STXBP5L: variants seen among roughly 807,000 people sequenced by gnomAD.
STXBP5L encodes syntaxin binding protein 5L.
STXBP5L carries 65 observed loss-of-function variants against 144.5 expected under a neutral mutation model. The observed-to-expected ratio is 0.45, with a 90% CI of 0.37 to 0.55. The LOEUF (loss-of-function observed/expected upper bound fraction) is 0.55. STXBP5L is among the 20% of genes least tolerant of loss of function. The pLI is 0.00. For missense variants in STXBP5L, 1,298 were observed against 1,405.5 expected (o/e 0.92, Z 1.22); for synonymous variants, 505 against 469.6 (o/e 1.08, Z -0.97).
chr3:121,145,859 T>C (rs1163169310), intron 7 of STXBP5L, among the ~76,000 whole-genome samples: 2 of 152,022 alleles, frequency 1.3e-5, no homozygotes, highest in Non-Finnish European at 2.9e-5. Flanking sequence ...TAAATGACCA[T>C]TTGAATTAGT....
chr3:121,028,101 T>C (rs1304955312), intron 3 of STXBP5L, among the ~76,000 whole-genome samples: 2 of 152,094 alleles, frequency 1.3e-5, no homozygotes, highest in Non-Finnish European at 1.5e-5. Context: ...AATAAATTAA[T>C]TAATACAAGT....
intron 3 of STXBP5L, among the ~76,000 whole-genome samples, chr3:121,018,715 T>G (rs966704302): frequency 3.3e-5 from 5 of 152,178 alleles, no homozygotes; most frequent in Non-Finnish European, 7.3e-5. Flanking sequence ...ATCGGTAACT[T>G]GGATTTTATT....
chr3:121,243,461 G>A (rs182295690), intron 14 of STXBP5L, among the ~76,000 whole-genome samples: 4 of 151,668 alleles, frequency 2.6e-5, no homozygotes, highest in African/African-American at 9.7e-5. Flanking sequence ...CAGTCCATAA[G>A]GATATGACTA....
chr3:121,046,080 T>C lies in STXBP5L; in HGVS notation c.470+545T>C, dbSNP rs542205686. On this transcript the variant is annotated intron_variant, in intron 5 of 26. Coordinates refer to ENST00000471454, the MANE Select transcript of STXBP5L (RefSeq NM_001308330.2). ...TTGAGGGGTTTTAACATGAAGGACA[T>C]CGAATTGTACCAGAAGACTTTTCTG... is the stretch of plus-strand genomic sequence containing the variant. Among the ~76,000 whole-genome samples the C allele has an allele frequency of 1.1e-3, 160 of 152,182 alleles. 1 individual carries two copies. Among genetic ancestry groups the C allele is most frequent in the Non-Finnish European group, 1.9e-3 (127 of 67,972 alleles).
intron 2 of STXBP5L, among the ~76,000 whole-genome samples, chr3:120,946,994 TTC>T (rs1355480917): frequency 6.6e-6 from 1 of 151,766 alleles, no homozygotes; most frequent in Non-Finnish European, 1.5e-5. Context: ...TTGTAACTAA[TTC>T]TTTCTATTAC....
At chr3:121,397,242 C>A (rs1034602684) in intron 22 of STXBP5L, among the ~76,000 whole-genome samples, 1 of 152,200 alleles carries the variant, frequency 6.6e-6, no homozygotes, top group Non-Finnish European at 1.5e-5. Flanking sequence ...CTATTAAAGG[C>A]CAATTTTTAG....
At chr3:120,975,544 C>G (rs1940878020) in intron 3 of STXBP5L, among the ~76,000 whole-genome samples, 1 of 152,100 alleles carries the variant, frequency 6.6e-6, no homozygotes, top group African/African-American at 2.4e-5. Context: ...TTTCCTTCTC[C>G]TGCCTGATTG....
chr3:121,190,461 A>T (rs1351707430), intron 9 of STXBP5L, among the ~76,000 whole-genome samples: 1 of 152,196 alleles, frequency 6.6e-6, no homozygotes, highest in Non-Finnish European at 1.5e-5. Context: ...CCCCTTCAAC[A>T]CAGACACAGT....
At chr3:121,010,579 A>C (rs1179063972) in intron 3 of STXBP5L, among the ~76,000 whole-genome samples, 1 of 151,572 alleles carries the variant, frequency 6.6e-6, no homozygotes, top group Non-Finnish European at 1.5e-5. Flanking sequence ...GGTTAGGGGA[A>C]CTGATCTGCC....
intron 18 of STXBP5L, among the ~76,000 whole-genome samples, chr3:121,272,240 T>A (rs2050754664): frequency 6.6e-6 from 1 of 152,242 alleles, no homozygotes. Flanking sequence ...GCCCTACTTT[T>A]ATTGAATTGC....
intron 19 of STXBP5L, among the ~76,000 whole-genome samples, chr3:121,311,885 G>T (rs1258594743): frequency 1.3e-5 from 2 of 152,156 alleles, no homozygotes; most frequent in Non-Finnish European, 2.9e-5. Context: ...GCATCACCAA[G>T]TCAATCCTAA....
chr3:121,421,587 A>G lies in STXBP5L; in HGVS notation c.*2490A>G, dbSNP rs1418086638. 1 of 152,254 alleles carries G rather than the reference A, an allele frequency of 6.6e-6. No homozygotes were observed. Among genetic ancestry groups the G allele is most frequent in the African/African-American group, 2.4e-5 (1 of 41,474 alleles). 9.4% of individuals were successfully genotyped at this position (152,254 alleles called of 1,614,324 possible). On this transcript the variant is annotated 3_prime_UTR_variant, in exon 27 of 27. Coordinates refer to ENST00000471454, the MANE Select transcript of STXBP5L (RefSeq NM_001308330.2). ...ATATGTTGTTGTATAAAACTGTACA[A>G]TAAGTATACAATGTCTTAGCAAGAT...
intron 7 of STXBP5L, 129 bp downstream of exon 7, chr3:121,121,833 G>A (rs1488301724): frequency 1.9e-6 from 1 of 529,390 alleles, no homozygotes; most frequent in Non-Finnish European, 3.3e-6. Context: ...AAATGAAAAT[G>A]TGTTGAATCA....
chr3:121,125,087 T>G (rs1171339261), intron 7 of STXBP5L, among the ~76,000 whole-genome samples: 2 of 152,292 alleles, frequency 1.3e-5, no homozygotes, highest in African/African-American at 4.8e-5. Flanking sequence ...CTGGGATAAA[T>G]TCAACTTGGA....
intron 14 of STXBP5L, among the ~76,000 whole-genome samples, chr3:121,247,486 A>G (rs551748186): frequency 5.5e-4 from 84 of 152,242 alleles, no homozygotes; most frequent in Middle Eastern, 3.4e-3. Flanking sequence ...TCCCCACTCT[A>G]GTAGACTGCA....
At chr3:121,096,742 A>G (rs1373667166) in intron 5 of STXBP5L, among the ~76,000 whole-genome samples, 1 of 152,046 alleles carries the variant, frequency 6.6e-6, no homozygotes, top group East Asian at 1.9e-4. Flanking sequence ...GGAACCTACC[A>G]GTTGCCAGCC....
chr3:121,053,059 A>T (rs139028454), intron 5 of STXBP5L, among the ~76,000 whole-genome samples: 3 of 152,162 alleles, frequency 2.0e-5, no homozygotes, highest in Admixed American at 2.0e-4. Context: ...GACCTCTTCA[A>T]GGAGAACTAC....
At position 121,350,973 on chromosome 3, in the gene STXBP5L, T is replaced by C. The variant is rs555351157; in HGVS notation, c.2177-27743T>C. On this transcript the variant is annotated intron_variant, in intron 20 of 26. Coordinates refer to ENST00000471454, the MANE Select transcript of STXBP5L (RefSeq NM_001308330.2). Reference sequence around the variant, plus strand: ...TTCTCTCAACTCGTCAAAATCATTCTCTGTCCAGCTTTGTTCCATTGCTGG... The same window carrying C: ...TTCTCTCAACTCGTCAAAATCATTCCCTGTCCAGCTTTGTTCCATTGCTGG... Among the ~76,000 whole-genome samples the C allele has an allele frequency of 6.6e-5, 10 of 152,302 alleles. No homozygotes were observed. The South Asian group carries it at 1.2e-3, about 19-fold the overall frequency.
intron 5 of STXBP5L, among the ~76,000 whole-genome samples, chr3:121,051,130 A>T (rs979960189): frequency 3.3e-5 from 5 of 152,310 alleles, no homozygotes; most frequent in African/African-American, 1.2e-4. Context: ...CCACACAATA[A>T]TAATGGGAGA....
Sources: gnomAD v4.1 joint callset for allele counts (sites outside exome capture counted in the v4.1 genomes callset) on GRCh38, gnomAD v4.1.1 for gene constraint, MANE v1.5 for transcripts, NCBI Gene and HGNC (gene_info 2026-07-23, HGNC 2026-07-21) for gene names.